The following RUNX2 variants were observed in gnomAD, a reference collection of about 807,000 sequenced individuals.
RUNX2 encodes runt-related transcription factor 2.
RUNX2 carries 10 observed loss-of-function variants against 51.7 expected under a neutral mutation model. The observed-to-expected ratio is 0.19, with a 90% confidence interval of 0.12 to 0.33. RUNX2 has a LOEUF of 0.33. RUNX2 is among the 10% of genes least tolerant of loss of function. RUNX2 has a pLI of 1.00. For synonymous variants in RUNX2, 276 were observed against 273.6 expected, an observed-to-expected ratio of 1.01 and a Z score of -0.09; for missense variants, 562 against 691.3, an observed-to-expected ratio of 0.81 and a Z score of 2.10.
chr6:45,364,593 C>A lies in RUNX2; in HGVS notation c.58+35809C>A, dbSNP rs547849156. Among the ~76,000 whole-genome samples the A allele has an allele frequency of 8.5e-5, 13 of 152,244 alleles. 1 individual carries two copies. The South Asian group carries it at 2.7e-3, about 32-fold the overall frequency. On this transcript the variant is annotated intron_variant, in intron 2 of 8. Transcript: ENST00000647337. Reference sequence around the variant, plus strand: ...ATAAATATGCTACCTCTTATCAAATCAAGAGATATAGTTTCACTTAATGCA... The same window carrying A: ...ATAAATATGCTACCTCTTATCAAATAAAGAGATATAGTTTCACTTAATGCA...
intron 2 of RUNX2, among the ~76,000 whole-genome samples, chr6:45,403,013 G>C (rs569244631): frequency 5.0e-4 from 76 of 152,034 alleles, no homozygotes; most frequent in African/African-American, 1.7e-3. Flanking sequence ...AGATCTATGA[G>C]GTTTAAAAAA....
intron 2 of RUNX2, among the ~76,000 whole-genome samples, chr6:45,412,066 G>A (rs1167920177): frequency 6.6e-6 from 1 of 152,002 alleles, no homozygotes; most frequent in Non-Finnish European, 1.5e-5. Context: ...AACTTGCTGA[G>A]GCTGGGCACA....
chr6:45,490,050 A>C lies in RUNX2; in HGVS notation c.686-1891A>C, dbSNP rs1359363662. Among the ~76,000 whole-genome samples the C allele has an allele frequency of 2.0e-5, 3 of 152,140 alleles. No individual in the cohort carries two copies. The East Asian group carries it at 5.8e-4, about 29-fold the overall frequency. On this transcript the variant is annotated intron_variant, in intron 5 of 8. Coordinates refer to ENST00000647337, the MANE Select transcript of RUNX2 (RefSeq NM_001024630.4). ...CTGATGGTGCCACGTGATGAATGGA[A>C]AGCTCAGTCAACTTGGACGAGGGCT...
chr6:45,422,436 C>T (rs954325595), intron 2 of RUNX2, 157 bp from the exon 3 acceptor site: 3 of 670,096 alleles, frequency 4.5e-6, no homozygotes, highest in Admixed American at 2.3e-5. Flanking sequence ...CCTCATCAAA[C>T]TTGATTTCTC....
intron 2 of RUNX2, among the ~76,000 whole-genome samples, chr6:45,340,480 C>T (rs758537514): frequency 8.6e-5 from 13 of 151,896 alleles, no homozygotes; most frequent in African/African-American, 1.7e-4. Flanking sequence ...CGCACCACCA[C>T]GCCCAGATAA....
chr6:45,520,778 T>C (rs1056483013), intron 7 of RUNX2, among the ~76,000 whole-genome samples: 1 of 152,154 alleles, frequency 6.6e-6, no homozygotes, highest in Non-Finnish European at 1.5e-5. Context: ...TGGAGTGCAG[T>C]GGTGTGATCT....
chr6:45,529,953 G>A (rs1801793095), intron 7 of RUNX2, among the ~76,000 whole-genome samples: 1 of 152,124 alleles, frequency 6.6e-6, no homozygotes. Flanking sequence ...ACAACACCGT[G>A]GTATAATAGT....
At chr6:45,444,658 A>G (rs1459115937) in intron 5 of RUNX2, among the ~76,000 whole-genome samples, 2 of 152,204 alleles carry the variant, frequency 1.3e-5, no homozygotes, top group African/African-American at 4.8e-5. Flanking sequence ...GTTGTGCCCA[A>G]TTCATCAACA....
chr6:45,433,182 G>A (rs535341098), intron 4 of RUNX2, among the ~76,000 whole-genome samples: 1 of 152,126 alleles, frequency 6.6e-6, no homozygotes, highest in Non-Finnish European at 1.5e-5. Context: ...TACTGTCACT[G>A]ACATGTTGTT....
At chr6:45,336,529 A>G (rs186992798) in intron 2 of RUNX2, among the ~76,000 whole-genome samples, 1 of 151,616 alleles carries the variant, frequency 6.6e-6, no homozygotes, top group Admixed American at 6.6e-5. Flanking sequence ...ATCAAGATAC[A>G]CTTAAATATT....
intron 5 of RUNX2, among the ~76,000 whole-genome samples, chr6:45,479,850 TGAAAA>T (rs1429730707): frequency 6.6e-6 from 1 of 152,238 alleles, no homozygotes; most frequent in Non-Finnish European, 1.5e-5. Flanking sequence ...TGTTGTGCCT[TGAAAA>T]GAAGAGTAAA....
In RUNX2 at chr6:45,460,990, T is replaced by C. The variant is rs542207503; in HGVS notation, c.685+22939T>C. 3.3e-5 allele frequency among the ~76,000 whole-genome samples: 5 copies of C among 152,298 alleles called. No individual in the cohort carries two copies. The South Asian group carries it at 1.0e-3, about 32-fold the overall frequency. On this transcript the variant is annotated intron_variant, in intron 5 of 8. Transcript: ENST00000647337. Reference sequence around the variant, plus strand: ...ATTTTGAAAGAAAGACAAGATCACTTGGAGGAAATTAGGTCCTGAAGAAAA... The same window carrying C: ...ATTTTGAAAGAAAGACAAGATCACTCGGAGGAAATTAGGTCCTGAAGAAAA...
At chr6:45,350,041 A>T (rs1407392329) in intron 2 of RUNX2, among the ~76,000 whole-genome samples, 1 of 152,254 alleles carries the variant, frequency 6.6e-6, no homozygotes, top group African/African-American at 2.4e-5. Flanking sequence ...ATATGTAAAG[A>T]TACATACAAT....
At chr6:45,459,004 C>T (rs1281436630) in intron 5 of RUNX2, among the ~76,000 whole-genome samples, 4 of 152,190 alleles carry the variant, frequency 2.6e-5, no homozygotes, top group African/African-American at 9.7e-5. Flanking sequence ...TCTTCCTTCC[C>T]CTCTCCTGAT....
intron 5 of RUNX2, among the ~76,000 whole-genome samples, chr6:45,486,499 A>C (rs1312477747): frequency 6.6e-6 from 1 of 152,170 alleles, no homozygotes; most frequent in Non-Finnish European, 1.5e-5. Context: ...CATGATACTT[A>C]GGATACAGGT....
intron 6 of RUNX2, among the ~76,000 whole-genome samples, chr6:45,497,519 G>T (rs768395469): frequency 4.0e-5 from 6 of 151,762 alleles, no homozygotes; most frequent in Middle Eastern, 3.4e-3. Flanking sequence ...TTTTTTCTCT[G>T]CCTAGACACT....
intron 7 of RUNX2, among the ~76,000 whole-genome samples, chr6:45,531,031 C>T (rs1431591044): frequency 1.3e-5 from 2 of 152,160 alleles, no homozygotes; most frequent in African/African-American, 4.8e-5. Flanking sequence ...TACTACTATA[C>T]TCAGTAGTTT....
intron 2 of RUNX2, among the ~76,000 whole-genome samples, chr6:45,419,387 C>T (rs1798129055): frequency 6.6e-6 from 1 of 150,770 alleles, no homozygotes; most frequent in Non-Finnish European, 1.5e-5. Context: ...CTCTGTTAGA[C>T]AGTGGCACAA....
intron 4 of RUNX2, among the ~76,000 whole-genome samples, chr6:45,435,825 C>G (rs17209902): frequency 0.016 from 2,395 of 152,318 alleles, 33 homozygotes; most frequent in South Asian, 0.035. Context: ...AATCTGACCC[C>G]AAAATGGCAC....
Sources: allele counts gnomAD v4.1 joint callset (sites outside exome capture counted in the v4.1 genomes callset), GRCh38; gene constraint gnomAD v4.1.1; transcripts MANE v1.5; gene names NCBI Gene and HGNC (gene_info 2026-07-23, HGNC 2026-07-21).